Variants in FXR1 observed in about 807,000 individuals in gnomAD.
FXR1 encodes the protein FMR1 autosomal homolog 1.
FXR1 carries 15 observed loss-of-function variants against 84.0 expected under a neutral mutation model. That is an observed-to-expected ratio of 0.18 (90% CI 0.12 to 0.27). FXR1 has a LOEUF of 0.27. Among genes scored for constraint, FXR1 ranks in the 10% least tolerant of loss-of-function variants. FXR1 has a pLI of 1.00. For synonymous variants in FXR1, 245 were observed against 250.7 expected (o/e 0.98, Z 0.21); for missense variants, 480 against 774.4 (o/e 0.62, Z 4.51).
intron 1 of FXR1, among the ~76,000 whole-genome samples, chr3:180,926,006 A>G (rs1241025506): frequency 6.6e-6 from 1 of 152,172 alleles, no homozygotes; most frequent in East Asian, 1.9e-4. Flanking sequence ...GTCTCTAATA[A>G]AGAAGGATTT....
Position 180,963,011 on chromosome 3 carries a change from C to T in FXR1, c.1136-17C>T, listed in dbSNP as rs764381906. The stretch of plus-strand genomic sequence containing the variant: ...AAGGATATGCCACTGATGAAAGTAC[C>T]GTCTCTTCTGTACAAGGTTCTAGGT... On this transcript the variant is annotated splice_polypyrimidine_tract_variant and intron_variant, in intron 12 of 16. Transcript: ENST00000357559. 3.5e-5 allele frequency: 57 copies of T among 1,606,698 alleles called. 1 individual carries two copies. Among genetic ancestry groups the T allele is most frequent in the East Asian group, 6.7e-5 (3 of 44,828 alleles).
intron 1 of FXR1, 55 bp from the exon 2 acceptor site, chr3:180,933,279 A>G (rs1720147070): frequency 3.0e-6 from 3 of 1,006,878 alleles, no homozygotes; most frequent in Non-Finnish European, 4.7e-6. Flanking sequence ...ACAACCTTTT[A>G]GAGTTACGAA....
In FXR1 at chr3:180,977,707, G is replaced by T. The variant is rs1171619613; in HGVS notation, c.*1415G>T. On this transcript the variant is annotated 3_prime_UTR_variant, in exon 17 of 17. Transcript: ENST00000357559. ...CAATATTATATGGACCACTGAACAAGAATGACAGCCCTTTGTTATCACTTG... is the reference window on the plus strand; with the variant it reads ...CAATATTATATGGACCACTGAACAATAATGACAGCCCTTTGTTATCACTTG... 1 of 152,112 alleles carries T rather than the reference G, an allele frequency of 6.6e-6. No homozygotes were observed. The highest frequency in any genetic ancestry group is 1.5e-5 in the Non-Finnish European group (1 of 67,968). 9.4% of individuals were successfully genotyped at this position (152,112 alleles called of 1,614,324 possible).
At chr3:180,923,610 TATC>T (rs922975263) in intron 1 of FXR1, among the ~76,000 whole-genome samples, 1 of 152,130 alleles carries the variant, frequency 6.6e-6, no homozygotes, top group African/African-American at 2.4e-5. Flanking sequence ...TTACTTTACT[TATC>T]ATAAAAGCTC....
intron 1 of FXR1, among the ~76,000 whole-genome samples, chr3:180,913,391 A>T (rs1717482235): frequency 6.6e-6 from 1 of 152,186 alleles, no homozygotes. Flanking sequence ...CCCCTCTATT[A>T]CGGAAGAAAA....
intron 2 of FXR1, among the ~76,000 whole-genome samples, chr3:180,934,764 C>T (rs922760010): frequency 6.6e-6 from 1 of 152,112 alleles, no homozygotes; most frequent in Non-Finnish European, 1.5e-5. Flanking sequence ...TAAGTTGATA[C>T]CACTACTATT....
At chr3:180,938,860 C>CT (rs1467425583) in intron 3 of FXR1, among the ~76,000 whole-genome samples, 2 of 150,880 alleles carry the variant, frequency 1.3e-5, no homozygotes, top group Non-Finnish European at 3.0e-5. Flanking sequence ...GAGTTTTTAT[C>CT]TTTTTTGTGT....
intron 14 of FXR1, among the ~76,000 whole-genome samples, chr3:180,969,614 A>G (rs971474247): frequency 1.3e-5 from 2 of 152,122 alleles, no homozygotes; most frequent in Non-Finnish European, 2.9e-5. Context: ...CTTTGTTTCA[A>G]CTTGTCTTGA....
At chr3:180,925,923 G>A (rs113605293) in intron 1 of FXR1, among the ~76,000 whole-genome samples, 3 of 152,120 alleles carry the variant, frequency 2.0e-5, no homozygotes, top group African/African-American at 7.2e-5. Context: ...ATATTTAACT[G>A]ATGTAGTTGG....
chr3:180,921,057 T>C (rs1718525115), intron 1 of FXR1, among the ~76,000 whole-genome samples: 2 of 152,134 alleles, frequency 1.3e-5, no homozygotes. Context: ...TTGAATAATT[T>C]TTTTTTCTTA....
intron 7 of FXR1, among the ~76,000 whole-genome samples, chr3:180,950,875 C>T (rs1317529332): frequency 6.6e-6 from 1 of 152,056 alleles, no homozygotes; most frequent in Admixed American, 6.6e-5. Context: ...GTTGCTTTCA[C>T]CTCTTTACTG....
intron 1 of FXR1, chr3:180,914,690 C>A: frequency 1.3e-6 from 1 of 768,966 alleles, no homozygotes; most frequent in Non-Finnish European, 1.6e-6. Flanking sequence ...TTTTGGAACT[C>A]TGAAGTATTT....
At chr3:180,950,839 A>G (rs779492946) in intron 7 of FXR1, among the ~76,000 whole-genome samples, 6 of 152,140 alleles carry the variant, frequency 3.9e-5, no homozygotes, top group Non-Finnish European at 5.9e-5. Flanking sequence ...CATTATGTTC[A>G]TTCATTAATT....
chr3:180,940,523 G>A (rs1156992568), intron 3 of FXR1, among the ~76,000 whole-genome samples: 1 of 151,526 alleles, frequency 6.6e-6, no homozygotes, highest in African/African-American at 2.4e-5. Context: ...ACATAGACAC[G>A]TTACATAGTA....
In FXR1 at chr3:180,977,729, C is replaced by G. The variant is rs1714368023; in HGVS notation, c.*1437C>G. Reference sequence around the variant, plus strand: ...CAAGAATGACAGCCCTTTGTTATCACTTGGCATATGAAAAGTGTTGTGTGC... The same window carrying G: ...CAAGAATGACAGCCCTTTGTTATCAGTTGGCATATGAAAAGTGTTGTGTGC... On this transcript the variant is annotated 3_prime_UTR_variant, in exon 17 of 17. Transcript: ENST00000357559. 6.6e-6 allele frequency: 1 copy of G among 152,064 alleles called. No homozygotes were observed. Among genetic ancestry groups the G allele is most frequent in the African/African-American group, 2.4e-5 (1 of 41,432 alleles). 9.4% of individuals were successfully genotyped at this position (152,064 alleles called of 1,614,324 possible).
Position 180,968,032 on chromosome 3 carries a change from T to C in FXR1, c.1199-19T>C, listed in dbSNP as rs1713060937. ...TTTTTATAGAAATCTAAGTGGTTTA[T>C]GTTCTTTTCTTTTCCAAGGTACAAA... is the stretch of plus-strand genomic sequence containing the variant. On this transcript the variant is annotated intron_variant, in intron 13 of 16. Coordinates refer to ENST00000357559, the MANE Select transcript of FXR1 (RefSeq NM_005087.4). 13 of 1,518,358 alleles carry C rather than the reference T, an allele frequency of 8.6e-6. No homozygotes were observed. Among genetic ancestry groups the C allele is most frequent in the Non-Finnish European group, 1.2e-5 (13 of 1,093,478 alleles). The allele number at this position is 1,518,358 out of a possible 1,614,324, so 94.1% of individuals were successfully genotyped here.
intron 13 of FXR1, among the ~76,000 whole-genome samples, chr3:180,965,199 A>G (rs1193889147): frequency 2.0e-5 from 3 of 152,040 alleles, no homozygotes; most frequent in Admixed American, 2.0e-4. Context: ...TATTTTTAGT[A>G]GAGACAGGGT....
At chr3:180,921,258 T>C (rs1344180646) in intron 1 of FXR1, among the ~76,000 whole-genome samples, 4 of 151,780 alleles carry the variant, frequency 2.6e-5, no homozygotes, top group Non-Finnish European at 4.4e-5. Flanking sequence ...ATCCCAGCTA[T>C]TCTGGAGGCT....
At chr3:180,944,487 A>G (rs887826280) in intron 3 of FXR1, among the ~76,000 whole-genome samples, 7 of 151,824 alleles carry the variant, frequency 4.6e-5, no homozygotes, top group African/African-American at 1.7e-4. Flanking sequence ...ACACCTGGCT[A>G]ATTAAAAAAA....
Sources: allele counts gnomAD v4.1 joint callset (sites outside exome capture counted in the v4.1 genomes callset), GRCh38; gene constraint gnomAD v4.1.1; transcripts MANE v1.5; gene names NCBI Gene and HGNC (gene_info 2026-07-23, HGNC 2026-07-21).